Variants in TMPRSS11B observed in about 807,000 individuals in gnomAD.
The protein encoded by TMPRSS11B is transmembrane protease serine 11B.
Under a neutral mutation model 44.7 loss-of-function variants are expected in TMPRSS11B, and 53 were observed. That is an observed-to-expected ratio of 1.19 (90% CI 0.95 to 1.49). The LOEUF (loss-of-function observed/expected upper bound fraction) is 1.49. Ranked by LOEUF, TMPRSS11B falls within the 40% of genes most tolerant of loss-of-function variation. The probability of loss-of-function intolerance (pLI) is 0.00; values close to 1 mark genes in which losing one functional copy is unlikely to be tolerated. For synonymous variants in TMPRSS11B, 140 were observed against 159.2 expected (o/e 0.88, Z 0.91); for missense variants, 526 against 494.8 (o/e 1.06, Z -0.60).
chr4:68,234,490 C>T lies in TMPRSS11B; in HGVS notation c.442G>A (p.Ala148Thr). The change falls in exon 5 of 10, where the codon GCA becomes ACA. Residue 148 changes from alanine to threonine, a missense_variant. Ala to Thr is a moderately conservative substitution (Grantham distance 58, BLOSUM62 0). Transcript: ENST00000332644. ...ATGAGTTTAATGGAAGCAGGAACTG[C>T]ATTCCAGGATGCCATGTTGTTTTTC... ...MLKNNMASWNAVPASIKLMEI... is the reference protein window; with the variant it reads ...MLKNNMASWNTVPASIKLMEI... 3 of 1,613,900 alleles carry T rather than the reference C, an allele frequency of 1.9e-6. No individual in the cohort carries two copies. Among genetic ancestry groups the T allele is most frequent in the Non-Finnish European group, 2.5e-6 (3 of 1,179,944 alleles).
At chr4:68,239,851 C>CA (rs1226450886) in intron 2 of TMPRSS11B, among the ~76,000 whole-genome samples, 2 of 152,106 alleles carry the variant, frequency 1.3e-5, no homozygotes, top group African/African-American at 4.8e-5. Context: ...AACACTACTT[C>CA]AAAAGAGCTC....
intron 6 of TMPRSS11B, 107 bp from the exon 7 acceptor site, chr4:68,231,487 TC>T (rs1719515258): frequency 9.7e-7 from 1 of 1,032,374 alleles, no homozygotes; most frequent in Non-Finnish European, 1.4e-6. Flanking sequence ...ATTCAACTTC[TC>T]CTAATTGATG....
rs1577980849 is a variant in TMPRSS11B, at chr4:68,241,734, T to G, written c.79A>C (p.Ile27Leu). The G allele has an allele frequency of 6.2e-7, 1 of 1,613,192 alleles. No homozygotes were observed. The highest frequency in any genetic ancestry group is 2.2e-5 in the East Asian group (1 of 44,852). ...TIFIFLGVAA[I>L]LGVTIGLLVH... ...AGAAGACCAATGGTTACTCCCAAGA[T>G]TGCCGCCACTCCAAGAAAAATAAAG... The change falls in exon 2 of 10, where the codon ATC becomes CTC. Residue 27 changes from isoleucine (I) to leucine (L), a missense_variant. Physicochemically the swap from Ile to Leu is conservative, Grantham distance 5 (BLOSUM62 2). Coordinates refer to ENST00000332644, the MANE Select transcript of TMPRSS11B (RefSeq NM_182502.3).
chr4:68,236,073 A>G lies in TMPRSS11B; in HGVS notation c.241-4T>C, dbSNP rs1719655657. 3.8e-6 allele frequency: 6 copies of G among 1,590,112 alleles called. No homozygotes were observed. Among genetic ancestry groups the G allele is most frequent in the Non-Finnish European group, 5.1e-6 (6 of 1,169,180 alleles). The stretch of plus-strand genomic sequence containing the variant: ...AATTTTGAAATGCATTTAACATCTG[A>G]CAAGAGAAAAAAAACAGTCATCATG... On this transcript the variant is annotated splice_polypyrimidine_tract_variant and splice_region_variant and intron_variant, in intron 3 of 9. Transcript: ENST00000332644.
chr4:68,245,153 A>G (rs1327837774), intron 1 of TMPRSS11B, among the ~76,000 whole-genome samples: 1 of 152,182 alleles, frequency 6.6e-6, no homozygotes, highest in African/African-American at 2.4e-5. Context: ...AAAATATATA[A>G]TGGCATTCAT....
chr4:68,243,696 A>T (rs1284168834), intron 1 of TMPRSS11B, among the ~76,000 whole-genome samples: 1 of 152,164 alleles, frequency 6.6e-6, no homozygotes, highest in Non-Finnish European at 1.5e-5. Flanking sequence ...CTGTGACAGT[A>T]AGGTCTCAAA....
chr4:68,233,655 AAATTT>A (rs1201190568), intron 5 of TMPRSS11B, among the ~76,000 whole-genome samples: 5 of 152,142 alleles, frequency 3.3e-5, no homozygotes, highest in Non-Finnish European at 7.4e-5. Context: ...AAAAAGATTT[AAATTT>A]AAGTTCTCAA....
chr4:68,242,246 A>G (rs1479213071), intron 1 of TMPRSS11B, among the ~76,000 whole-genome samples: 1 of 83,972 alleles, frequency 1.2e-5, no homozygotes, highest in East Asian at 2.8e-4. Flanking sequence ...ATATTATATT[A>G]TATATATTAT....
chr4:68,226,899 T>G lies in TMPRSS11B; in HGVS notation c.*1012A>C, dbSNP rs1443418778. 2.0e-5 allele frequency: 3 copies of G among 152,210 alleles called. No individual in the cohort carries two copies. Among genetic ancestry groups the G allele is most frequent in the African/African-American group, 7.2e-5 (3 of 41,450 alleles). The allele number at this position is 152,210 out of a possible 1,614,324, so 9.4% of individuals were successfully genotyped here. On this transcript the variant is annotated 3_prime_UTR_variant, in exon 10 of 10. Coordinates refer to ENST00000332644, the MANE Select transcript of TMPRSS11B (RefSeq NM_182502.3). ...TATGAAGACAATGGAAAATGTTATA[T>G]AAATAATTGCCACTCAAAAGTCATT...
intron 4 of TMPRSS11B, among the ~76,000 whole-genome samples, chr4:68,235,607 A>T (rs1719637805): frequency 6.6e-6 from 1 of 152,192 alleles, no homozygotes; most frequent in African/African-American, 2.4e-5. Flanking sequence ...CTAAAATAGG[A>T]TGTTTTTAGG....
intron 8 of TMPRSS11B, 133 bp downstream of exon 8, chr4:68,229,123 TC>T: frequency 2.0e-6 from 2 of 1,013,880 alleles, no homozygotes; most frequent in Non-Finnish European, 2.9e-6. Context: ...ATGCTTTTTG[TC>T]CCACCACTTG....
At chr4:68,243,651 G>A (rs1719926674) in intron 1 of TMPRSS11B, among the ~76,000 whole-genome samples, 1 of 152,024 alleles carries the variant, frequency 6.6e-6, no homozygotes, top group African/African-American at 2.4e-5. Context: ...ATTAATATTG[G>A]ATAACATGTT....
At chr4:68,238,176 A>G (rs542689346) in intron 2 of TMPRSS11B, among the ~76,000 whole-genome samples, 3 of 152,288 alleles carry the variant, frequency 2.0e-5, no homozygotes, top group Admixed American at 2.0e-4. Context: ...CCTAAGCTGA[A>G]ATAATTTATT....
intron 2 of TMPRSS11B, among the ~76,000 whole-genome samples, chr4:68,240,501 C>A (rs1719795000): frequency 3.9e-5 from 6 of 152,120 alleles, no homozygotes; most frequent in Non-Finnish European, 1.5e-5. Flanking sequence ...CCCTTTGCAC[C>A]ACTCCTTTCC....
At chr4:68,228,996 C>A (rs1719432717) in intron 8 of TMPRSS11B, 112 bp from the exon 9 acceptor site, 3 of 1,198,576 alleles carry the variant, frequency 2.5e-6, no homozygotes, top group Admixed American at 2.7e-5. Context: ...CAGGCCAGTC[C>A]CAGGTTAGAT....
At chr4:68,237,109 A>T (rs192676073) in intron 2 of TMPRSS11B, among the ~76,000 whole-genome samples, 3 of 151,710 alleles carry the variant, frequency 2.0e-5, no homozygotes, top group African/African-American at 7.3e-5. Context: ...CTCCCTGCCA[A>T]CCCTGGTGTG....
intron 2 of TMPRSS11B, among the ~76,000 whole-genome samples, chr4:68,238,635 G>A (rs1018666567): frequency 2.6e-5 from 4 of 152,022 alleles, no homozygotes; most frequent in African/African-American, 9.7e-5. Context: ...GCTGAGGCGG[G>A]AGAATTGCTT....
intron 2 of TMPRSS11B, among the ~76,000 whole-genome samples, chr4:68,239,249 T>C (rs1719755052): frequency 6.6e-6 from 1 of 151,042 alleles, no homozygotes; most frequent in Admixed American, 6.6e-5. Flanking sequence ...AGATCTCTCT[T>C]GCGCGCTCTC....
At chr4:68,234,727 A>G in intron 4 of TMPRSS11B, 104 bp from the exon 5 acceptor site, 1 of 1,225,658 alleles carries the variant, frequency 8.2e-7, no homozygotes, top group Non-Finnish European at 1.1e-6. Flanking sequence ...TTCTTTACAT[A>G]TATTAAAGAA....
Sources: allele counts gnomAD v4.1 joint callset (sites outside exome capture counted in the v4.1 genomes callset), GRCh38; gene constraint gnomAD v4.1.1; transcripts MANE v1.5; gene names NCBI Gene and HGNC (gene_info 2026-07-23, HGNC 2026-07-21).